CALN1: variants seen among roughly 807,000 people sequenced by gnomAD.
The protein encoded by CALN1 is calneuron 1, also known as calcium-binding protein 8.
In CALN1, 17 loss-of-function variants were observed where a neutral mutation model predicts 30.6. The observed-to-expected ratio is 0.56, with a 90% CI of 0.38 to 0.83. CALN1 has a LOEUF of 0.83. Among genes scored for constraint, CALN1 ranks in the 40% least tolerant of loss-of-function variants. The pLI, the probability that CALN1 is intolerant of heterozygous loss-of-function variation, is 0.00. For missense variants in CALN1, 291 were observed against 354.9 expected, an observed-to-expected ratio of 0.82 and a Z score of 1.45; for synonymous variants, 156 against 131.4, an observed-to-expected ratio of 1.19 and a Z score of -1.28.
chr7:71,947,489 G>C (rs944694277), intron 5 of CALN1, among the ~76,000 whole-genome samples: 1 of 152,156 alleles, frequency 6.6e-6, no homozygotes, highest in African/African-American at 2.4e-5. Flanking sequence ...AGACTCTCTA[G>C]ACACACCCTT....
intron 4 of CALN1, among the ~76,000 whole-genome samples, chr7:72,042,960 C>T (rs1244645622): frequency 6.6e-6 from 1 of 152,172 alleles, no homozygotes; most frequent in Non-Finnish European, 1.5e-5. Context: ...CACCCCCACT[C>T]TCACTCTCAG....
intron 3 of CALN1, among the ~76,000 whole-genome samples, chr7:72,235,387 G>A (rs1450361044): frequency 6.6e-6 from 1 of 152,136 alleles, no homozygotes; most frequent in Non-Finnish European, 1.5e-5. Flanking sequence ...TACTGCATTA[G>A]TATTGTCCTG....
intron 3 of CALN1, among the ~76,000 whole-genome samples, chr7:72,148,802 G>A (rs1247710611): frequency 6.6e-6 from 1 of 152,208 alleles, no homozygotes; most frequent in Admixed American, 6.5e-5. Context: ...TTACTCAGGA[G>A]GCTGAGGCAG....
chr7:72,478,545 C>A, the CALN1 span, among the ~76,000 whole-genome samples: 1 of 151,672 alleles, frequency 6.6e-6, no homozygotes, highest in Non-Finnish European at 1.5e-5. Context: ...GCCTGGGTGA[C>A]CAGGACATGC....
At chr7:71,808,364 TTAA>T (rs1451895344) in intron 6 of CALN1, among the ~76,000 whole-genome samples, 1 of 151,480 alleles carries the variant, frequency 6.6e-6, no homozygotes, top group African/African-American at 2.4e-5. Flanking sequence ...GTAATAATTA[TTAA>T]TAAACATTAA....
intron 2 of CALN1, among the ~76,000 whole-genome samples, chr7:72,292,619 G>A (rs931317427): frequency 6.6e-6 from 1 of 151,236 alleles, no homozygotes; most frequent in East Asian, 2.0e-4. Context: ...TCAGGAATTC[G>A]AGACCAGCCT....
intron 5 of CALN1, among the ~76,000 whole-genome samples, chr7:71,994,494 A>G (rs1421015994): frequency 6.9e-6 from 1 of 144,686 alleles, no homozygotes; most frequent in African/African-American, 2.7e-5. Context: ...CCTGGGCGAC[A>G]GAGCAAGACT....
chr7:72,192,329 C>A (rs1328515979), intron 3 of CALN1, among the ~76,000 whole-genome samples: 1 of 152,186 alleles, frequency 6.6e-6, no homozygotes, highest in Non-Finnish European at 1.5e-5. Context: ...TCTGCTCCTC[C>A]TGCCTCGGTC....
intron 6 of CALN1, among the ~76,000 whole-genome samples, chr7:71,799,450 TTTAGTTAGTTAGTTAG>T (rs199886231): frequency 2.4e-3 from 163 of 69,116 alleles, no homozygotes; most frequent in African/African-American, 5.5e-3. Context: ...TATTTATTTA[TTTAGTTAGTTAGTTAG>T]TTAGTTAGTT....
chr7:72,123,490 T>C (rs1808533151), intron 3 of CALN1, among the ~76,000 whole-genome samples: 2 of 152,168 alleles, frequency 1.3e-5, no homozygotes, highest in Non-Finnish European at 2.9e-5. Context: ...CACCGCGCCA[T>C]GTCTTGTTTC....
intron 1 of CALN1, among the ~76,000 whole-genome samples, chr7:72,411,185 G>A (rs1044136793): frequency 1.3e-4 from 20 of 152,066 alleles, no homozygotes; most frequent in African/African-American, 4.8e-4. Context: ...AAAAAGCAAA[G>A]CAATTCCTTA....
At chr7:72,216,345 G>A (rs746407043) in intron 3 of CALN1, among the ~76,000 whole-genome samples, 3 of 152,090 alleles carry the variant, frequency 2.0e-5, no homozygotes, top group African/African-American at 4.8e-5. Context: ...AGGATCACTG[G>A]AGCCCAGAAG....
intron 5 of CALN1, among the ~76,000 whole-genome samples, chr7:71,899,388 C>T (rs1245342879): frequency 1.3e-5 from 2 of 152,098 alleles, no homozygotes; most frequent in Non-Finnish European, 2.9e-5. Context: ...GGTGATATGC[C>T]CACCTTGGCC....
chr7:72,450,308 T>C (rs973214482), upstream of CALN1, among the ~76,000 whole-genome samples: 1 of 152,168 alleles, frequency 6.6e-6, no homozygotes, highest in Non-Finnish European at 1.5e-5. Flanking sequence ...CATCTTCTCT[T>C]CCCCTTAAAG....
At chr7:72,234,954 A>G (rs1794377759) in intron 3 of CALN1, among the ~76,000 whole-genome samples, 1 of 152,216 alleles carries the variant, frequency 6.6e-6, no homozygotes, top group African/African-American at 2.4e-5. Flanking sequence ...AACTTGCTTT[A>G]AAGAAACACA....
At chr7:71,922,375 A>G (rs1387368100) in intron 5 of CALN1, among the ~76,000 whole-genome samples, 1 of 151,334 alleles carries the variant, frequency 6.6e-6, no homozygotes, top group Non-Finnish European at 1.5e-5. Context: ...GACCTATAGG[A>G]CTAGCCTACA....
intron 3 of CALN1, among the ~76,000 whole-genome samples, chr7:72,146,104 G>A (rs1270890371): frequency 9.9e-5 from 15 of 152,276 alleles, no homozygotes; most frequent in East Asian, 7.7e-4. Flanking sequence ...TCAACATAGC[G>A]TTGGAAGTTC....
chr7:72,350,694 G>A (rs1475597167), intron 2 of CALN1, among the ~76,000 whole-genome samples: 2 of 151,970 alleles, frequency 1.3e-5, no homozygotes, highest in East Asian at 3.8e-4. Flanking sequence ...TATTACCTGG[G>A]TAATGAAATA....
chr7:72,036,698 C>T (rs946846219), intron 4 of CALN1, among the ~76,000 whole-genome samples: 2 of 152,070 alleles, frequency 1.3e-5, no homozygotes, highest in Admixed American at 1.3e-4. Context: ...TATCTCTTTA[C>T]TGATATAAAC....
Sources: gnomAD v4.1 joint callset for allele counts (sites outside exome capture counted in the v4.1 genomes callset) on GRCh38, gnomAD v4.1.1 for gene constraint, MANE v1.5 for transcripts, NCBI Gene and HGNC (gene_info 2026-07-23, HGNC 2026-07-21) for gene names.